Variants in DHX30 observed in about 807,000 individuals in gnomAD.
DHX30 encodes the protein DExH-box helicase 30.
A neutral mutation model predicts 116.9 loss-of-function variants in DHX30; 4 were observed. The ratio of observed to expected loss-of-function variants is 0.03; its 90% CI spans 0.02 to 0.08. The LOEUF (loss-of-function observed/expected upper bound fraction) is 0.08. Ranked by LOEUF, DHX30 falls within the 10% of genes least tolerant of loss-of-function variation. The probability of loss-of-function intolerance (pLI) is 1.00; values close to 1 mark genes in which losing one functional copy is unlikely to be tolerated. For synonymous variants in DHX30, 697 were observed against 651.7 expected (o/e 1.07, Z -1.06); for missense variants, 871 against 1,595.1 (o/e 0.55, Z 7.73).
intron 4 of DHX30, among the ~76,000 whole-genome samples, chr3:47,825,672 A>T (rs990331147): frequency 6.6e-6 from 1 of 152,130 alleles, no homozygotes. Context: ...TGCCTCCCAA[A>T]TAGTGCAGAG....
chr3:47,831,924 C>CTTTTTTTTTTTTTTTTTTTTTTTTTTTTT (rs1448275730), intron 6 of DHX30, among the ~76,000 whole-genome samples: 2 of 120,380 alleles, frequency 1.7e-5, no homozygotes, highest in Non-Finnish European at 3.4e-5. Flanking sequence ...AGGCCTTTTC[C>CTTTTTTTTTTTTTTTTTTTTTTTTTTTTT]TTTTTCTTTT....
rs566595172 is a variant in DHX30 at position 47,807,093 on chromosome 3, C to T, written c.-28+1673C>T. Reference sequence around the variant, plus strand: ...TGGTGGCGGGTGCCTGTAATCCCAGCTACTAGGGAGACTGAGACAGGAGAA... The same window carrying T: ...TGGTGGCGGGTGCCTGTAATCCCAGTTACTAGGGAGACTGAGACAGGAGAA... On this transcript the variant is annotated intron_variant, in intron 2 of 21. Coordinates refer to ENST00000445061, the MANE Select transcript of DHX30 (RefSeq NM_138615.3). 3.9e-5 allele frequency among the ~76,000 whole-genome samples: 6 copies of T among 152,114 alleles called. No individual in the cohort carries two copies. The South Asian group carries it at 1.2e-3, about 32-fold the overall frequency.
intron 4 of DHX30, among the ~76,000 whole-genome samples, chr3:47,818,391 C>G (rs1182010219): frequency 6.6e-6 from 1 of 152,188 alleles, no homozygotes; most frequent in African/African-American, 2.4e-5. Context: ...GTGGTTCTCT[C>G]AGCACCCGCA....
rs1486253982 is a variant in DHX30, at chr3:47,847,995, A to C, written c.2286+39A>C. On this transcript the variant is annotated intron_variant, in intron 14 of 21. Coordinates refer to ENST00000445061, the MANE Select transcript of DHX30 (RefSeq NM_138615.3). The surrounding 1 kb of genome is among the most constrained non-coding windows in gnomAD (Gnocchi z 5.5). Reference sequence around the variant, plus strand: ...CCTGGGCCCGGCCAACCACTGGGGGAGGGACTCCGTTTTGAGGTGGTCCCC... The same window carrying C: ...CCTGGGCCCGGCCAACCACTGGGGGCGGGACTCCGTTTTGAGGTGGTCCCC... 6.2e-7 allele frequency: 1 copy of C among 1,608,512 alleles called. No individual in the cohort carries two copies. The highest frequency in any genetic ancestry group is 8.5e-7 in the Non-Finnish European group (1 of 1,175,822).
intron 4 of DHX30, among the ~76,000 whole-genome samples, 184 bp from the exon 5 acceptor site, chr3:47,827,163 C>T (rs1414693555): frequency 6.6e-6 from 1 of 152,042 alleles, no homozygotes; most frequent in Non-Finnish European, 1.5e-5. Context: ...TCAAGTGGGT[C>T]TGGCCCCACT....
chr3:47,811,919 C>T (rs1466612259), intron 3 of DHX30, among the ~76,000 whole-genome samples: 1 of 152,076 alleles, frequency 6.6e-6, no homozygotes, highest in Admixed American at 6.6e-5. Flanking sequence ...AAAAAATTAT[C>T]CAGGCGTGGC....
chr3:47,839,125 C>T (rs564179097), intron 6 of DHX30, among the ~76,000 whole-genome samples: 6 of 151,984 alleles, frequency 3.9e-5, no homozygotes, highest in East Asian at 3.9e-4. Context: ...CATGTTGCTG[C>T]GTACATGCTA....
At position 47,849,004 on chromosome 3, in the gene DHX30, T is replaced by C. The variant is rs2037801139; in HGVS notation, c.2854T>C (p.Trp952Arg). The change falls in exon 18 of 22, where the codon TGG (tryptophan) becomes CGG (arginine). Residue 952 changes from tryptophan to arginine, a missense_variant. This residue lies in a region of DHX30 where 238 missense variants were observed against 481.0 expected (regional missense o/e 0.49). Coordinates refer to ENST00000445061, the MANE Select transcript of DHX30 (RefSeq NM_138615.3). ...CGCCGGCTGGGAGGAGGTGCTGCGTTGGCAGGACCGCAGCTCCCGGGAGAA... is the reference window on the plus strand; with the variant it reads ...CGCCGGCTGGGAGGAGGTGCTGCGTCGGCAGGACCGCAGCTCCCGGGAGAA... ...AVAGWEEVLR[W>R]QDRSSRENYL... The C allele has an allele frequency of 5.6e-6, 9 of 1,613,612 alleles. No individual in the cohort carries two copies. The highest frequency in any genetic ancestry group is 6.8e-6 in the Non-Finnish European group (8 of 1,179,858).
chr3:47,816,182 A>T lies in DHX30; in HGVS notation c.29-1840A>T, dbSNP rs1032433387. On this transcript the variant is annotated intron_variant, in intron 3 of 21. Coordinates refer to ENST00000445061, the MANE Select transcript of DHX30 (RefSeq NM_138615.3). ...TAAAATAAAAAGAAAAAAATCACAC[A>T]TCTATAATATTATAAGAGAGCTTAT... The T allele has an allele frequency of 8.9e-5, 87 of 977,382 alleles. No homozygotes were observed. The African/African-American group carries it at 1.2e-3, about 14-fold the overall frequency. 60.5% of individuals were successfully genotyped at this position (977,382 alleles called of 1,614,324 possible).
chr3:47,807,703 C>CAAAAAAAAAAAAAAAAAAAAAAAAAAAA (rs1202083372), intron 2 of DHX30, among the ~76,000 whole-genome samples: 1 of 32,732 alleles, frequency 3.1e-5, no homozygotes, highest in Non-Finnish European at 5.6e-5. Flanking sequence ...GACTCTGTCT[C>CAAAAAAAAAAAAAAAAAAAAAAAAAAAA]AAAAAAAAAA....
rs375387962 is a variant in DHX30 at position 47,847,548 on chromosome 3, G to T, written c.2110+12G>T. The T allele has an allele frequency of 1.3e-6, 2 of 1,585,560 alleles. No individual in the cohort carries two copies. Among genetic ancestry groups the T allele is most frequent in the Admixed American group, 1.8e-5 (1 of 55,850 alleles). On this transcript the variant is annotated intron_variant, in intron 13 of 21. Transcript: ENST00000445061. This position sits in a 1 kb window ranked among gnomAD's most constrained non-coding sequence, Gnocchi z 5.5. Reference sequence around the variant, plus strand: ...CCTCATCCTGCCAGGTGAGAGCCCCGGCGGAGGGACCAGGGACCTTTGGAA... The same window carrying T: ...CCTCATCCTGCCAGGTGAGAGCCCCTGCGGAGGGACCAGGGACCTTTGGAA...
intron 6 of DHX30, among the ~76,000 whole-genome samples, chr3:47,837,245 G>A (rs890456423): frequency 1.3e-5 from 2 of 152,232 alleles, no homozygotes; most frequent in African/African-American, 4.8e-5. Context: ...GCTGGGCCAT[G>A]CGGTAGACGG....
intron 4 of DHX30, among the ~76,000 whole-genome samples, chr3:47,822,921 G>A (rs991520548): frequency 6.6e-6 from 1 of 151,792 alleles, no homozygotes; most frequent in African/African-American, 2.4e-5. Context: ...GTGAAACCCT[G>A]TCTCTACTAA....
intron 2 of DHX30, among the ~76,000 whole-genome samples, chr3:47,809,452 G>A (rs1282357485): frequency 6.6e-6 from 1 of 151,632 alleles, no homozygotes; most frequent in Non-Finnish European, 1.5e-5. Flanking sequence ...CACCGTGTTA[G>A]CAAGGATGGT....
At chr3:47,804,349 G>A (rs1053665658) in intron 1 of DHX30, among the ~76,000 whole-genome samples, 1 of 152,220 alleles carries the variant, frequency 6.6e-6, no homozygotes, top group African/African-American at 2.4e-5. Flanking sequence ...GAGGTCAGAA[G>A]TTTGAGACCA....
chr3:47,825,319 G>GC (rs1355543176), intron 4 of DHX30: 2 of 536,880 alleles, frequency 3.7e-6, no homozygotes, highest in Non-Finnish European at 6.5e-6. Flanking sequence ...AGGGGCGCGG[G>GC]CCGAAATCGG....
chr3:47,811,286 A>C (rs2035778099), intron 3 of DHX30, among the ~76,000 whole-genome samples: 1 of 152,220 alleles, frequency 6.6e-6, no homozygotes, highest in Middle Eastern at 3.4e-3. Context: ...CTAGTATTTT[A>C]TACCATCTCC....
rs767207197 is a variant in DHX30 at position 47,848,754 on chromosome 3, C to T, written c.2706C>T (p.Val902=). ...GTTGCCTGCACCCACTACTGGTGGT[C>T]GTTTCCTGCCTCACCCGGGACCCCT... ...IFRCLHPLLV[V]VSCLTRDPFS... The change falls in exon 17 of 22, where the codon GTC becomes GTT. Residue 902 remains valine (V), a synonymous_variant. Coordinates refer to ENST00000445061, the MANE Select transcript of DHX30 (RefSeq NM_138615.3). This position sits in a 1 kb window ranked among gnomAD's most constrained non-coding sequence, Gnocchi z 9.4. 103 of 1,613,996 alleles carry T rather than the reference C, an allele frequency of 6.4e-5. No individual in the cohort carries two copies. Among genetic ancestry groups the T allele is most frequent in the Non-Finnish European group, 8.0e-5 (94 of 1,180,014 alleles).
At chr3:47,816,683 C>G (rs1451903305) in intron 3 of DHX30, 1 of 985,462 alleles carries the variant, frequency 1.0e-6, no homozygotes, top group Admixed American at 6.2e-5. Context: ...GTGAGCAGAG[C>G]TGGCAGTTAC....
Sources: gnomAD v4.1 joint callset for allele counts (sites outside exome capture counted in the v4.1 genomes callset) on GRCh38, gnomAD v4.1.1 for gene constraint, gnomAD v4.1.1 regional missense constraint, Gnocchi (gnomAD v3.1) non-coding constraint, MANE v1.5 for transcripts, NCBI Gene and HGNC (gene_info 2026-07-23, HGNC 2026-07-21) for gene names.